CCSER1: variants seen among roughly 807,000 people sequenced by gnomAD.
CCSER1 encodes the protein serine-rich coiled-coil domain-containing protein 1.
CCSER1 carries 41 observed loss-of-function variants against 82.0 expected under a neutral mutation model. The ratio of observed to expected loss-of-function variants is 0.50; its 90% confidence interval spans 0.39 to 0.65. CCSER1 has a LOEUF of 0.65. Ranked by LOEUF, CCSER1 falls within the 30% of genes least tolerant of loss-of-function variation. The pLI is 0.00. For synonymous variants in CCSER1, 414 were observed against 383.9 expected (o/e 1.08, Z -0.92); for missense variants, 1,119 against 1,064.2 (o/e 1.05, Z -0.72).
intron 1 of CCSER1, among the ~76,000 whole-genome samples, chr4:90,271,841 TATATATATATATATATATATA>T (rs1412265642): frequency 0.055 from 1,287 of 23,266 alleles, 29 homozygotes; most frequent in East Asian, 0.22. Context: ...TATATATATA[TATATATATATATATATATATA>T]TTTTTTTTTT....
At chr4:91,157,912 T>C (rs1730979199) in intron 10 of CCSER1, among the ~76,000 whole-genome samples, 1 of 152,040 alleles carries the variant, frequency 6.6e-6, no homozygotes, top group African/African-American at 2.4e-5. Context: ...AAATCATTTC[T>C]TCAGGCAATA....
At chr4:90,334,116 A>T (rs1178779491) in intron 3 of CCSER1, among the ~76,000 whole-genome samples, 1 of 152,208 alleles carries the variant, frequency 6.6e-6, no homozygotes, top group Non-Finnish European at 1.5e-5. Context: ...AGAGAAACCA[A>T]GAGAACAGCA....
At chr4:91,368,798 A>C (rs1032057090) in intron 10 of CCSER1, among the ~76,000 whole-genome samples, 1 of 152,190 alleles carries the variant, frequency 6.6e-6, no homozygotes, top group African/African-American at 2.4e-5. Context: ...GTTTACAAAA[A>C]TTTCCCTGTA....
chr4:90,492,076 A>C (rs1768120389), intron 5 of CCSER1, among the ~76,000 whole-genome samples: 1 of 152,180 alleles, frequency 6.6e-6, no homozygotes, highest in African/African-American at 2.4e-5. Context: ...TGATTGGAAT[A>C]GTTTCAGAAG....
chr4:90,182,321 T>G (rs923662164), intron 1 of CCSER1, among the ~76,000 whole-genome samples: 1 of 152,026 alleles, frequency 6.6e-6, no homozygotes, highest in African/African-American at 2.4e-5. Flanking sequence ...AAAATAGAAA[T>G]TAGGTTATGT....
chr4:91,553,777 T>A (rs1762273389), intron 10 of CCSER1, among the ~76,000 whole-genome samples: 1 of 151,092 alleles, frequency 6.6e-6, no homozygotes, highest in Non-Finnish European at 1.5e-5. Context: ...TTCTTCTCTT[T>A]CATGTATAAT....
chr4:90,652,726 A>G (rs1340049978), intron 6 of CCSER1, among the ~76,000 whole-genome samples: 1 of 152,188 alleles, frequency 6.6e-6, no homozygotes, highest in Non-Finnish European at 1.5e-5. Context: ...AATTCCAAAG[A>G]AAACTATTTA....
intron 10 of CCSER1, among the ~76,000 whole-genome samples, chr4:91,450,514 G>A (rs1198959952): frequency 6.6e-6 from 1 of 151,948 alleles, no homozygotes; most frequent in Non-Finnish European, 1.5e-5. Flanking sequence ...TCACAGTATA[G>A]TAATCTTGGA....
intron 6 of CCSER1, among the ~76,000 whole-genome samples, chr4:90,719,684 G>A (rs1028109676): frequency 1.3e-5 from 2 of 152,012 alleles, no homozygotes; most frequent in Admixed American, 6.6e-5. Context: ...TTGGTTTGAG[G>A]GTAGAAGACC....
chr4:90,380,872 T>G (rs1749089856), intron 3 of CCSER1, among the ~76,000 whole-genome samples: 1 of 152,186 alleles, frequency 6.6e-6, no homozygotes, highest in Non-Finnish European at 1.5e-5. Flanking sequence ...TTCTCCCTGC[T>G]CCCAAAGAGC....
At chr4:91,217,599 C>CCA (rs922575351) in intron 10 of CCSER1, among the ~76,000 whole-genome samples, 1 of 149,730 alleles carries the variant, frequency 6.7e-6, no homozygotes, top group African/African-American at 2.5e-5. Flanking sequence ...CTCCAAGGCC[C>CCA]CACCAGAGCA....
chr4:91,511,994 C>T (rs1000918824), intron 10 of CCSER1, among the ~76,000 whole-genome samples: 1 of 152,122 alleles, frequency 6.6e-6, no homozygotes, highest in Non-Finnish European at 1.5e-5. Flanking sequence ...TCTATAATTA[C>T]TTTTGGCAGT....
intron 4 of CCSER1, among the ~76,000 whole-genome samples, chr4:90,407,946 C>G (rs1322104840): frequency 6.6e-6 from 1 of 152,204 alleles, no homozygotes; most frequent in Non-Finnish European, 1.5e-5. Flanking sequence ...TAATACTGCA[C>G]TTTTCCAACG....
chr4:91,181,049 T>G (rs1733978495), intron 10 of CCSER1, among the ~76,000 whole-genome samples: 1 of 152,220 alleles, frequency 6.6e-6, no homozygotes, highest in African/African-American at 2.4e-5. Context: ...GGGCCAGATG[T>G]TCATTGCCCT....
intron 1 of CCSER1, among the ~76,000 whole-genome samples, chr4:90,262,284 T>C (rs1383991321): frequency 6.6e-6 from 1 of 152,186 alleles, no homozygotes; most frequent in Admixed American, 6.5e-5. Context: ...GTGGCTTTAA[T>C]GTTTATAGTT....
intron 10 of CCSER1, among the ~76,000 whole-genome samples, chr4:91,537,769 T>C (rs1761370203): frequency 6.6e-6 from 1 of 151,910 alleles, no homozygotes; most frequent in African/African-American, 2.4e-5. Context: ...CAATCAACAA[T>C]ATACCTATAT....
chr4:90,684,199 A>G (rs1203064785), intron 6 of CCSER1, among the ~76,000 whole-genome samples: 2 of 152,190 alleles, frequency 1.3e-5, no homozygotes, highest in Non-Finnish European at 2.9e-5. Flanking sequence ...ATTTTGGGAT[A>G]TACTAATTTG....
At chr4:90,907,821 C>A (rs967161338) in intron 8 of CCSER1, among the ~76,000 whole-genome samples, 3 of 151,844 alleles carry the variant, frequency 2.0e-5, no homozygotes, top group African/African-American at 7.2e-5. Context: ...GATTTCATTT[C>A]CAATCTTTCC....
intron 10 of CCSER1, among the ~76,000 whole-genome samples, chr4:91,447,922 A>G (rs571995322): frequency 1.3e-5 from 2 of 152,182 alleles, no homozygotes; most frequent in African/African-American, 4.8e-5. Context: ...GTGGTCCATA[A>G]AAAGTGGTGC....
Sources: gnomAD v4.1 joint callset for allele counts (sites outside exome capture counted in the v4.1 genomes callset) on GRCh38, gnomAD v4.1.1 for gene constraint, MANE v1.5 for transcripts, NCBI Gene and HGNC (gene_info 2026-07-23, HGNC 2026-07-21) for gene names.